Variants in SUCO observed in about 807,000 individuals in gnomAD.
SUCO encodes SUN domain containing ossification factor, also known as SUN domain-containing ossification factor.
SUCO carries 57 observed loss-of-function variants against 148.1 expected under a neutral mutation model. The observed-to-expected ratio is 0.38, with a 90% CI of 0.31 to 0.48. The LOEUF is 0.48. SUCO is among the 20% of genes least tolerant of loss of function. The probability of loss-of-function intolerance (pLI) is 0.96; values close to 1 mark genes in which losing one functional copy is unlikely to be tolerated. For synonymous variants in SUCO, 470 were observed against 502.7 expected (o/e 0.93, Z 0.87); for missense variants, 1,331 against 1,468.2 (o/e 0.91, Z 1.53).
rs116289195 is a variant in SUCO, at chr1:172,575,575, T to C, written c.1215T>C (p.Asn405=). 2.2e-4 allele frequency: 350 copies of C among 1,612,386 alleles called. 1 individual carries two copies. The African/African-American group carries it at 4.5e-3, about 21-fold the overall frequency. Residue 405 remains asparagine, a synonymous_variant, in exon 11 of 24, where the codon AAT becomes AAC. Coordinates refer to ENST00000263688, the MANE Select transcript of SUCO (RefSeq NM_014283.5). ...LGTFHGRDER[N]VQSFPLDEQM... is the part of the protein sequence containing the mutation. ...CTTTTCATGGTAGAGATGAGCGGAA[T>C]GTACAGAGTTTCCCTTTAGATGAAC...
At chr1:172,572,077 T>G (rs868821118) in intron 9 of SUCO, among the ~76,000 whole-genome samples, 8 of 49,840 alleles carry the variant, frequency 1.6e-4, no homozygotes, top group African/African-American at 3.2e-4. Flanking sequence ...GGGAGGGAGG[T>G]GGGGGGTCAG....
chr1:172,584,116 T>G (rs188686937), intron 15 of SUCO, among the ~76,000 whole-genome samples: 2 of 152,066 alleles, frequency 1.3e-5, no homozygotes, highest in Admixed American at 6.5e-5. Context: ...GGTCAATGAG[T>G]TTTTTAAAAG....
intron 1 of SUCO, among the ~76,000 whole-genome samples, chr1:172,537,946 G>A (rs921083983): frequency 6.6e-6 from 1 of 152,196 alleles, no homozygotes; most frequent in East Asian, 1.9e-4. Flanking sequence ...CACAATGAGC[G>A]AATTTTGTTG....
In SUCO at chr1:172,579,147, T is replaced by C. The variant is rs575376438; in HGVS notation, c.1433-55T>C. ...AGGACATAATTTGAGCTTTTAAATA[T>C]GTTACCATTGGAGCTAGATCTCAGC... On this transcript the variant is annotated intron_variant, in intron 14 of 23. Coordinates refer to ENST00000263688, the MANE Select transcript of SUCO (RefSeq NM_014283.5). 3 of 968,860 alleles carry C rather than the reference T, an allele frequency of 3.1e-6. No individual in the cohort carries two copies. In the East Asian group the frequency reaches 7.3e-5, roughly 24 times the overall value. The allele number at this position is 968,860 out of a possible 1,614,324, so 60.0% of individuals were successfully genotyped here.
intron 18 of SUCO, chr1:172,590,262 A>T (rs901578636): frequency 4.9e-5 from 44 of 895,440 alleles, no homozygotes; most frequent in Non-Finnish European, 5.6e-5. Context: ...ATGGAAAAAA[A>T]TGATAGTATA....
At chr1:172,591,271 T>C (rs1031627851) in intron 19 of SUCO, among the ~76,000 whole-genome samples, 200 bp downstream of exon 19, 1 of 151,896 alleles carries the variant, frequency 6.6e-6, no homozygotes, top group Non-Finnish European at 1.5e-5. Context: ...AAAGATTTGT[T>C]TAATTTTTTT....
chr1:172,600,696 A>ATGTGTGTG (rs61681764), intron 20 of SUCO, among the ~76,000 whole-genome samples: 1 of 148,958 alleles, frequency 6.7e-6, no homozygotes, highest in East Asian at 2.0e-4. Context: ...AGAAAATTAA[A>ATGTGTGTG]TGTGTGTGTG....
At chr1:172,586,531 A>T (rs7539231) in intron 17 of SUCO, among the ~76,000 whole-genome samples, 83,222 of 151,930 alleles carry the variant, frequency 0.55, 22,938 homozygotes, top group South Asian at 0.67. Flanking sequence ...TGGTTACTTT[A>T]GTTGGTACCT....
At chr1:172,539,940 A>G (rs1045050729) in intron 1 of SUCO, among the ~76,000 whole-genome samples, 2 of 152,188 alleles carry the variant, frequency 1.3e-5, no homozygotes, top group African/African-American at 2.4e-5. Flanking sequence ...GTAGTGTGAA[A>G]GGCATAAAAC....
chr1:172,563,794 T>C (rs1269231325), intron 6 of SUCO, among the ~76,000 whole-genome samples: 2 of 152,140 alleles, frequency 1.3e-5, no homozygotes, highest in Non-Finnish European at 2.9e-5. Flanking sequence ...GTGGGGGAAA[T>C]GCTTTTAGGG....
rs1257668157 is a variant in SUCO, at chr1:172,533,302, C to T, written c.-134C>T. The T allele has an allele frequency of 1.3e-6, 2 of 1,550,510 alleles. No individual in the cohort carries two copies. The highest frequency in any genetic ancestry group is 2.4e-5 in the South Asian group (2 of 84,000). The stretch of plus-strand genomic sequence containing the variant: ...GGACGCGAGCCACTGAGGAGCCGCT[C>T]AGCCAGCGCCATAGCCCTTAGGACT... On this transcript the variant is annotated 5_prime_UTR_variant, in exon 1 of 24. Transcript: ENST00000263688.
In SUCO at chr1:172,600,428, T is replaced by A. The variant is rs375862567; in HGVS notation, c.3018+260T>A. On this transcript the variant is annotated intron_variant, in intron 20 of 23. Coordinates refer to ENST00000263688, the MANE Select transcript of SUCO (RefSeq NM_014283.5). ...ACTTCTAGCAGGCCTTTTGTAAGCA[T>A]TGATAGTAGCAACACGTACTTCATT... Among the ~76,000 whole-genome samples the A allele has an allele frequency of 4.6e-5, 7 of 152,340 alleles. No homozygotes were observed. In the East Asian group the frequency reaches 1.3e-3, roughly 29 times the overall value.
chr1:172,596,105 T>C (rs1657076524), intron 19 of SUCO, among the ~76,000 whole-genome samples: 1 of 152,254 alleles, frequency 6.6e-6, no homozygotes, highest in Admixed American at 6.5e-5. Context: ...CACGTAGTTC[T>C]CGTGCCATGG....
At chr1:172,570,502 A>T in intron 8 of SUCO, 161 bp from the exon 9 acceptor site, 1 of 601,330 alleles carries the variant, frequency 1.7e-6, no homozygotes, top group East Asian at 2.9e-5. Flanking sequence ...TGAATGGTGA[A>T]TCTTAGCCAC....
rs1465188454 is a variant in SUCO, at chr1:172,557,781, A to G, written c.719A>G (p.Asn240Ser). The change falls in exon 6 of 24, where the codon AAT (asparagine) becomes AGT (serine). Residue 240 changes from asparagine (N) to serine (S), a missense_variant. Asn to Ser is a conservative substitution (Grantham distance 46). Around this residue, in one of 3 missense-constraint regions of SUCO, gnomAD observed 992 missense variants for 1,093.5 expected, o/e 0.91. Coordinates refer to ENST00000263688, the MANE Select transcript of SUCO (RefSeq NM_014283.5). ...AAATCTGCATTGAATGCTTCAGATA[A>G]TTTAAAAAATGAGGTAGGTATATAA... ...DPKSALNASD[N>S]LKNESSDYTK... is the part of the protein sequence containing the mutation. 18 of 1,593,400 alleles carry G rather than the reference A, an allele frequency of 1.1e-5. No individual in the cohort carries two copies. The highest frequency in any genetic ancestry group is 2.7e-5 in the African/African-American group (2 of 73,622).
chr1:172,581,177 C>T (rs1372744036), intron 15 of SUCO, among the ~76,000 whole-genome samples: 1 of 152,160 alleles, frequency 6.6e-6, no homozygotes, highest in African/African-American at 2.4e-5. Context: ...GTATTCATGT[C>T]TCTGATCAGT....
At chr1:172,568,653 AAT>A (rs1654729274) in intron 6 of SUCO, among the ~76,000 whole-genome samples, 1 of 152,132 alleles carries the variant, frequency 6.6e-6, no homozygotes, top group African/African-American at 2.4e-5. Flanking sequence ...AGCTTCCTTT[AAT>A]GGATGTATTA....
intron 1 of SUCO, among the ~76,000 whole-genome samples, chr1:172,546,594 ACAGG>A (rs1450751616): frequency 6.6e-6 from 1 of 152,178 alleles, no homozygotes; most frequent in Non-Finnish European, 1.5e-5. Flanking sequence ...CTTATTAATT[ACAGG>A]ATCTTGAACA....
At chr1:172,579,628 A>G (rs1655727694) in intron 15 of SUCO, among the ~76,000 whole-genome samples, 1 of 152,074 alleles carries the variant, frequency 6.6e-6, no homozygotes, top group African/African-American at 2.4e-5. Context: ...TTAGTTACAA[A>G]ATATAAAGGG....
Sources: allele counts gnomAD v4.1 joint callset (sites outside exome capture counted in the v4.1 genomes callset), GRCh38; gene constraint gnomAD v4.1.1; regional missense constraint gnomAD v4.1.1; transcripts MANE v1.5; gene names NCBI Gene and HGNC (gene_info 2026-07-23, HGNC 2026-07-21).